The following WDR33 variants were observed in gnomAD, a reference collection of about 807,000 sequenced individuals.
The protein encoded by WDR33 is WD repeat domain 33, also known as pre-mRNA 3' end processing protein WDR33.
Under a neutral mutation model 164.9 loss-of-function variants are expected in WDR33, and 47 were observed. That is an observed-to-expected ratio of 0.29 (90% CI 0.23 to 0.36). The LOEUF is 0.36. WDR33 is among the 10% of genes least tolerant of loss of function. The probability of loss-of-function intolerance (pLI) is 1.00; values close to 1 mark genes in which losing one functional copy is unlikely to be tolerated. For synonymous variants in WDR33, 505 were observed against 589.0 expected, an observed-to-expected ratio of 0.86 and a Z score of 2.06; for missense variants, 1,137 against 1,754.1, an observed-to-expected ratio of 0.65 and a Z score of 6.28.
Position 127,701,800 on chromosome 2 carries a change from T to G in WDR33, c.*4523A>C. The G allele has an allele frequency of 2.1e-6, 3 of 1,454,510 alleles. No individual in the cohort carries two copies. Among genetic ancestry groups the G allele is most frequent in the Non-Finnish European group, 2.7e-6 (3 of 1,107,208 alleles). The allele number at this position is 1,454,510 out of a possible 1,614,324, so 90.1% of individuals were successfully genotyped here. A position where few individuals can be genotyped will look rare whatever the true frequency, so the allele number is the denominator to read the frequency against. On this transcript the variant is annotated 3_prime_UTR_variant, in exon 22 of 22. Coordinates refer to ENST00000322313, the MANE Select transcript of WDR33 (RefSeq NM_018383.5). ...TGCCTGCTGCTGGCTGCACTGTGTT[T>G]CGGCCTAGCCGCGCTCTACGCACCG...
Position 127,717,668 on chromosome 2 carries a change from G to A in WDR33, c.2761-405C>T, listed in dbSNP as rs1208336669. On this transcript the variant is annotated intron_variant, in intron 16 of 21. Coordinates refer to ENST00000322313, the MANE Select transcript of WDR33 (RefSeq NM_018383.5). This position sits in a 1 kb window ranked among gnomAD's most constrained non-coding sequence, Gnocchi z 5.6. Reference sequence around the variant, plus strand: ...CAGATTTTCATCAGGCAACTTCTGAGATCTGAAATGCCCTACAAAGTATCA... The same window carrying A: ...CAGATTTTCATCAGGCAACTTCTGAAATCTGAAATGCCCTACAAAGTATCA... Among the ~76,000 whole-genome samples the A allele has an allele frequency of 3.3e-5, 5 of 152,200 alleles. No individual in the cohort carries two copies. The highest frequency in any genetic ancestry group is 1.2e-4 in the African/African-American group (5 of 41,438).
intron 7 of WDR33, among the ~76,000 whole-genome samples, chr2:127,761,590 G>GT (rs1687678637): frequency 6.6e-6 from 1 of 152,138 alleles, no homozygotes; most frequent in South Asian, 2.1e-4. Context: ...ACTTATTTCT[G>GT]TTTAACAGCC....
Position 127,764,305 on chromosome 2 carries a change from C to T in WDR33, c.626+523G>A, listed in dbSNP as rs559613557. On this transcript the variant is annotated intron_variant, in intron 6 of 21. Transcript: ENST00000322313. This position sits in a 1 kb window ranked among gnomAD's most constrained non-coding sequence, Gnocchi z 6.2. ...AAGCTTGAAGAACCCATTCATTACT[C>T]CGTTAATGTTTGCCACATCCAGTTA... 7.6e-7 allele frequency: 1 copy of T among 1,322,442 alleles called. No homozygotes were observed. The highest frequency in any genetic ancestry group is 3.0e-5 in the East Asian group (1 of 33,260). The allele number at this position is 1,322,442 out of a possible 1,614,324, so 81.9% of individuals were successfully genotyped here.
At chr2:127,773,419 CAAG>C (rs964248626) in intron 1 of WDR33, among the ~76,000 whole-genome samples, 5 of 151,898 alleles carry the variant, frequency 3.3e-5, no homozygotes, top group African/African-American at 1.2e-4. Flanking sequence ...ATAATAACAA[CAAG>C]GAGGAGGAGG....
At chr2:127,798,742 C>A (rs1003260962) in intron 1 of WDR33, among the ~76,000 whole-genome samples, 2 of 151,968 alleles carry the variant, frequency 1.3e-5, no homozygotes, top group African/African-American at 4.8e-5. Context: ...ATACGATGAA[C>A]TGAAAGTTAA....
intron 1 of WDR33, among the ~76,000 whole-genome samples, chr2:127,786,255 G>C (rs920283840): frequency 3.3e-5 from 5 of 152,118 alleles, no homozygotes; most frequent in Non-Finnish European, 7.3e-5. Context: ...GGCTAGTCTG[G>C]AACTCCTAGG....
At chr2:127,804,583 C>T (rs2104686883) in intron 1 of WDR33, among the ~76,000 whole-genome samples, 1 of 152,210 alleles carries the variant, frequency 6.6e-6, no homozygotes, top group African/African-American at 2.4e-5. Flanking sequence ...AGGAATAAAG[C>T]AAATGTGACA....
intron 1 of WDR33, among the ~76,000 whole-genome samples, chr2:127,803,132 T>G (rs1689311844): frequency 6.6e-6 from 1 of 152,156 alleles, no homozygotes; most frequent in Admixed American, 6.6e-5. Flanking sequence ...TTGAAGAAAG[T>G]TCATCTTTAA....
At position 127,702,329 on chromosome 2, in the gene WDR33, C is replaced by A; in HGVS notation, c.*3994G>T. 1.3e-6 allele frequency: 1 copy of A among 761,604 alleles called. No individual in the cohort carries two copies. Among genetic ancestry groups the A allele is most frequent in the Non-Finnish European group, 1.8e-6 (1 of 569,336 alleles). The allele number at this position is 761,604 out of a possible 1,614,324, so 47.2% of individuals were successfully genotyped here. A position where few individuals can be genotyped will look rare whatever the true frequency, so the allele number is the denominator to read the frequency against. ...GAGTCTAATCCGGGAGCGGCTGCTG[C>A]CAGCGGAGGCGACAGCAGCGTTGGG... On this transcript the variant is annotated 3_prime_UTR_variant, in exon 22 of 22. Coordinates refer to ENST00000322313, the MANE Select transcript of WDR33 (RefSeq NM_018383.5).
chr2:127,755,868 G>A (rs1687502973), intron 7 of WDR33, among the ~76,000 whole-genome samples: 1 of 152,078 alleles, frequency 6.6e-6, no homozygotes, highest in African/African-American at 2.4e-5. Flanking sequence ...TTTACTCCTT[G>A]TTTCTATATT....
At chr2:127,777,001 C>T (rs1438096942) in intron 1 of WDR33, among the ~76,000 whole-genome samples, 1 of 152,214 alleles carries the variant, frequency 6.6e-6, no homozygotes, top group Admixed American at 6.5e-5. Flanking sequence ...GTCCCCAAAA[C>T]ATACTCATCT....
intron 1 of WDR33, among the ~76,000 whole-genome samples, chr2:127,808,232 A>AT (rs1689507770): frequency 6.6e-6 from 1 of 152,230 alleles, no homozygotes; most frequent in Admixed American, 6.5e-5. Flanking sequence ...GGCACTTTTT[A>AT]CCTTTAGGTT....
chr2:127,712,914 C>A lies in WDR33; in HGVS notation c.3308+669G>T, dbSNP rs1336001221. Among the ~76,000 whole-genome samples the A allele has an allele frequency of 2.0e-5, 3 of 152,122 alleles. No individual in the cohort carries two copies. Among genetic ancestry groups the A allele is most frequent in the Non-Finnish European group, 4.4e-5 (3 of 68,020 alleles). ...GGACTACAGGCATGCACCACCAAAC[C>A]CAGCTAATTAAAAAATTTTTTTTGT... On this transcript the variant is annotated intron_variant, in intron 18 of 21. Transcript: ENST00000322313. The surrounding 1 kb of genome is among the most constrained non-coding windows in gnomAD (Gnocchi z 4.0).
chr2:127,796,234 G>A (rs1352581249), intron 1 of WDR33, among the ~76,000 whole-genome samples: 3 of 151,678 alleles, frequency 2.0e-5, no homozygotes, highest in Non-Finnish European at 2.9e-5. Context: ...CACCACATCT[G>A]GCTAATTTTT....
chr2:127,731,832 T>C (rs1390090049), intron 7 of WDR33, among the ~76,000 whole-genome samples: 1 of 152,204 alleles, frequency 6.6e-6, no homozygotes, highest in Non-Finnish European at 1.5e-5. Flanking sequence ...ACACCTGTAA[T>C]GCCAGTACTT....
intron 7 of WDR33, among the ~76,000 whole-genome samples, chr2:127,739,879 C>T (rs2105400750): frequency 6.6e-6 from 1 of 152,212 alleles, no homozygotes. Flanking sequence ...TGTAAGACTG[C>T]TAAATTTCAG....
intron 7 of WDR33, among the ~76,000 whole-genome samples, chr2:127,757,725 T>G (rs1687558415): frequency 6.6e-6 from 1 of 152,214 alleles, no homozygotes; most frequent in African/African-American, 2.4e-5. Flanking sequence ...TTAGGTTTAT[T>G]ATCATAAACT....
At chr2:127,792,832 G>C (rs1464425189) in intron 1 of WDR33, among the ~76,000 whole-genome samples, 6 of 151,994 alleles carry the variant, frequency 3.9e-5, no homozygotes, top group Non-Finnish European at 8.8e-5. Flanking sequence ...TATCTTAGGA[G>C]AAAATATAAA....
At chr2:127,794,114 C>G (rs1224063366) in intron 1 of WDR33, among the ~76,000 whole-genome samples, 2 of 151,988 alleles carry the variant, frequency 1.3e-5, no homozygotes, top group African/African-American at 4.8e-5. Flanking sequence ...TGCCACTGCA[C>G]TCCAGCCTAG....
Sources: gnomAD v4.1 joint callset for allele counts (sites outside exome capture counted in the v4.1 genomes callset) on GRCh38, gnomAD v4.1.1 for gene constraint, Gnocchi (gnomAD v3.1) non-coding constraint, MANE v1.5 for transcripts, NCBI Gene and HGNC (gene_info 2026-07-23, HGNC 2026-07-21) for gene names.